RIDA: variants seen among roughly 807,000 people sequenced by gnomAD.
RIDA encodes reactive intermediate imine deaminase A.
RIDA carries 17 observed loss-of-function variants against 17.8 expected under a neutral mutation model. The ratio of observed to expected loss-of-function variants is 0.96; its 90% CI spans 0.65 to 1.43. The LOEUF (loss-of-function observed/expected upper bound fraction) is 1.43. RIDA is among the 40% of genes most tolerant of loss of function. The probability of loss-of-function intolerance (pLI) is 0.00; values close to 1 mark genes in which losing one functional copy is unlikely to be tolerated. For missense variants in RIDA, 158 were observed against 161.7 expected (o/e 0.98, Z 0.12); for synonymous variants, 48 against 55.7 (o/e 0.86, Z 0.62).
rs1178664664 is a variant in RIDA at position 98,116,911 on chromosome 8, C to A, written c.65+121G>T. ...TCTCTGTGGGTCTTCGGGCGCGTTG[C>A]TTACTTTCCAGGCTCAATTTCCTTG... On this transcript the variant is annotated intron_variant, in intron 1 of 5. Transcript: ENST00000254878. 7.5e-6 allele frequency: 6 copies of A among 798,348 alleles called. No homozygotes were observed. The South Asian group carries it at 8.3e-5, about 11-fold the overall frequency. The allele number at this position is 798,348 out of a possible 1,614,324, so 49.5% of individuals were successfully genotyped here. A position where few individuals can be genotyped will look rare whatever the true frequency, so the allele number is the denominator to read the frequency against.
In RIDA at chr8:98,104,525, A is replaced by C. The variant is rs1815607723; in HGVS notation, c.315T>G (p.Pro105=). 3 of 1,590,800 alleles carry C rather than the reference A, an allele frequency of 1.9e-6. No individual in the cohort carries two copies. The highest frequency in any genetic ancestry group is 2.6e-6 in the Non-Finnish European group (3 of 1,159,706). ...CAGCAACTTGGTAAGCAGCTCTAGC[A>C]GGAAAATTACTCTTGAAATCTGAAT... ...IYKQYFKSNF[P]ARAAYQVAAL... The change falls in exon 5 of 6, where the codon CCT becomes CCG. Residue 105 remains proline, a synonymous_variant. Coordinates refer to ENST00000254878, the MANE Select transcript of RIDA (RefSeq NM_005836.3).
intron 1 of RIDA, among the ~76,000 whole-genome samples, chr8:98,115,714 G>C (rs1305600309): frequency 1.3e-5 from 2 of 152,076 alleles, no homozygotes; most frequent in Admixed American, 1.3e-4. Context: ...TCTTAACAAA[G>C]AGAGAGCAGG....
intron 1 of RIDA, among the ~76,000 whole-genome samples, chr8:98,111,286 AAAG>A (rs1408573187): frequency 1.3e-5 from 2 of 152,222 alleles, no homozygotes; most frequent in South Asian, 2.1e-4. Flanking sequence ...AATGTTGAAG[AAAG>A]AAGACTTAAT....
intron 1 of RIDA, among the ~76,000 whole-genome samples, chr8:98,111,864 G>A (rs1413872458): frequency 6.6e-6 from 1 of 151,886 alleles, no homozygotes; most frequent in Non-Finnish European, 1.5e-5. Flanking sequence ...GCAGTGAAAA[G>A]TCTTTCTTCC....
intron 2 of RIDA, among the ~76,000 whole-genome samples, chr8:98,107,741 G>A (rs531368010): frequency 1.3e-5 from 2 of 151,008 alleles, no homozygotes; most frequent in African/African-American, 2.4e-5. Context: ...GGGACTACAG[G>A]CATGTGCCAC....
intron 2 of RIDA, among the ~76,000 whole-genome samples, chr8:98,107,321 G>A (rs1357735505): frequency 6.6e-6 from 1 of 152,066 alleles, no homozygotes; most frequent in Non-Finnish European, 1.5e-5. Context: ...TCAGGAGATC[G>A]AGACCATCCT....
intron 1 of RIDA, among the ~76,000 whole-genome samples, chr8:98,109,714 G>C (rs534561859): frequency 6.6e-6 from 1 of 152,218 alleles, no homozygotes; most frequent in African/African-American, 2.4e-5. Flanking sequence ...TCCCATCTCA[G>C]CCTCCTAAGT....
rs983403872 is a variant in RIDA at position 98,105,919 on chromosome 8, A to G, written c.295+19T>C. The G allele has an allele frequency of 2.2e-5, 33 of 1,522,112 alleles. No individual in the cohort carries two copies. The highest frequency in any genetic ancestry group is 2.8e-5 in the Non-Finnish European group (31 of 1,098,208). The allele number at this position is 1,522,112 out of a possible 1,614,324, so 94.3% of individuals were successfully genotyped here. ...TTCTTTTTAAAAATGGAAAATAGGA[A>G]TAAAGCCAAATTACTTACACTGTTT... On this transcript the variant is annotated intron_variant, in intron 4 of 5. Coordinates refer to ENST00000254878, the MANE Select transcript of RIDA (RefSeq NM_005836.3).
At position 98,103,035 on chromosome 8, in the gene RIDA, G is replaced by A. The variant is rs2130547235; in HGVS notation, c.352-131C>T. On this transcript the variant is annotated intron_variant, in intron 5 of 5. Coordinates refer to ENST00000254878, the MANE Select transcript of RIDA (RefSeq NM_005836.3). ...TTAAACTTTTCAAGGAAGGAAAGGA[G>A]AAGGAAATATTCACCAAGAACCTAT... The A allele has an allele frequency of 4.8e-6, 3 of 627,926 alleles. No homozygotes were observed. In the South Asian group the frequency reaches 6.2e-5, roughly 13 times the overall value. The allele number at this position is 627,926 out of a possible 1,614,324, so 38.9% of individuals were successfully genotyped here.
intron 1 of RIDA, among the ~76,000 whole-genome samples, chr8:98,112,041 C>T (rs1422272597): frequency 6.6e-6 from 1 of 151,868 alleles, no homozygotes. Context: ...GTTTTTTTCA[C>T]TCAACAGAAT....
Position 98,102,646 on chromosome 8 carries a change from A to T in RIDA, c.*196T>A, listed in dbSNP as rs1057469001. The T allele has an allele frequency of 2.2e-6, 1 of 451,274 alleles. No homozygotes were observed. Among genetic ancestry groups the T allele is most frequent in the Non-Finnish European group, 3.9e-6 (1 of 253,704 alleles). The allele number at this position is 451,274 out of a possible 1,614,324, so 28.0% of individuals were successfully genotyped here. ...ATACAGGTGCACACAGGTGTAATTTAAAAAAGTAACTGGATTCCTTCTCTA... is the reference window on the plus strand; with the variant it reads ...ATACAGGTGCACACAGGTGTAATTTTAAAAAGTAACTGGATTCCTTCTCTA... On this transcript the variant is annotated 3_prime_UTR_variant, in exon 6 of 6. Transcript: ENST00000254878.
At position 98,102,897 on chromosome 8, in the gene RIDA, C is replaced by T. The variant is rs779193135; in HGVS notation, c.359G>A (p.Arg120Gln). The T allele has an allele frequency of 3.3e-5, 54 of 1,612,438 alleles. No individual in the cohort carries two copies. The highest frequency in any genetic ancestry group is 2.6e-4 in the South Asian group (24 of 90,924). ...YQVAALPKGS[R>Q]IEIEAVAIQG... Reference sequence around the variant, plus strand: ...GATAGCTACTGCTTCAATTTCAATTCGGCTGCCCTGTGAGGAAAATGAAAG... The same window carrying T: ...GATAGCTACTGCTTCAATTTCAATTTGGCTGCCCTGTGAGGAAAATGAAAG... Residue 120 changes from arginine (R) to glutamine (Q), a missense_variant, in exon 6 of 6, where the codon CGA becomes CAA. Arg to Gln is a conservative substitution (Grantham distance 43, BLOSUM62 1). Transcript: ENST00000254878.
At chr8:98,105,084 A>G (rs1233440138) in intron 4 of RIDA, among the ~76,000 whole-genome samples, 2 of 144,106 alleles carry the variant, frequency 1.4e-5, no homozygotes, top group Non-Finnish European at 3.0e-5. Context: ...GATTCCTATG[A>G]TAGTTAATAC....
intron 3 of RIDA, 39 bp from the exon 4 acceptor site, chr8:98,106,045 G>A: frequency 3.5e-6 from 5 of 1,411,438 alleles, no homozygotes; most frequent in Non-Finnish European, 5.0e-6. Flanking sequence ...TTAGTTATTT[G>A]GTCTGACCCA....
chr8:98,108,742 T>A lies in RIDA; in HGVS notation c.75A>T (p.Val25=). Residue 25 remains valine, a synonymous_variant, in exon 2 of 6, where the codon GTA becomes GTT. Transcript: ENST00000254878. The stretch of plus-strand genomic sequence containing the variant: ...AAATGTAAATGGTCCTGTCGACTAA[T>A]ACAGCTTGACTGCAATAAACAGAAA... ...PGAIGPYSQA[V]LVDRTIYISG... 6.2e-7 allele frequency: 1 copy of A among 1,607,352 alleles called. No individual in the cohort carries two copies. Among genetic ancestry groups the A allele is most frequent in the Non-Finnish European group, 8.5e-7 (1 of 1,174,092 alleles).
At chr8:98,105,561 G>A (rs1301970235) in intron 4 of RIDA, among the ~76,000 whole-genome samples, 1 of 152,118 alleles carries the variant, frequency 6.6e-6, no homozygotes, top group Non-Finnish European at 1.5e-5. Flanking sequence ...GAAATATTAA[G>A]TAACTAACTA....
chr8:98,111,200 A>G (rs778287679), intron 1 of RIDA, among the ~76,000 whole-genome samples: 1 of 152,240 alleles, frequency 6.6e-6, no homozygotes, highest in Non-Finnish European at 1.5e-5. Flanking sequence ...TGATACCTGA[A>G]AAAAAGCCAA....
chr8:98,115,519 C>A (rs1815798209), intron 1 of RIDA, among the ~76,000 whole-genome samples: 1 of 146,284 alleles, frequency 6.8e-6, no homozygotes, highest in Non-Finnish European at 1.5e-5. Flanking sequence ...CTTTAGAAAA[C>A]AAATTAAAAC....
At chr8:98,110,468 C>A (rs530193306) in intron 1 of RIDA, among the ~76,000 whole-genome samples, 64 of 152,180 alleles carry the variant, frequency 4.2e-4, no homozygotes, top group African/African-American at 1.1e-3. Flanking sequence ...CCATGTTGGC[C>A]AGGCTGGTCT....
Sources: allele counts gnomAD v4.1 joint callset (sites outside exome capture counted in the v4.1 genomes callset), GRCh38; gene constraint gnomAD v4.1.1; transcripts MANE v1.5; gene names NCBI Gene and HGNC (gene_info 2026-07-23, HGNC 2026-07-21).